Variants in ZNF177 observed in about 807,000 individuals in gnomAD.
ZNF177 encodes the protein zinc finger protein 177.
Under a neutral mutation model 19.4 loss-of-function variants are expected in ZNF177, and 17 were observed. The ratio of observed to expected loss-of-function variants is 0.87; its 90% CI spans 0.60 to 1.31. ZNF177 has a LOEUF of 1.31. Ranked by LOEUF, ZNF177 falls within the 40% of genes most tolerant of loss-of-function variation. The pLI, the probability that ZNF177 is intolerant of heterozygous loss-of-function variation, is 0.00. For missense variants in ZNF177, 633 were observed against 561.8 expected (o/e 1.13, Z -1.28); for synonymous variants, 220 against 188.7 (o/e 1.17, Z -1.36).
Position 9,381,279 on chromosome 19 carries a change from CTG to C in ZNF177, c.951_952del (p.Cys317TrpfsTer5), listed in dbSNP as rs767520070. On this transcript the variant is annotated frameshift_variant, in exon 6 of 6. Coordinates refer to ENST00000589262, the Ensembl canonical transcript of ZNF177. LOFTEE classifies it low-confidence loss of function (END_TRUNC). ...GAGAGAAGCCTTATGAGTGTGATCA[CTG>C]TGGAAAATCCTTTAGCCAGAGCTCT... 1.5e-5 allele frequency: 24 copies of C among 1,611,806 alleles called. No homozygotes were observed. Among genetic ancestry groups the C allele is most frequent in the South Asian group, 4.4e-5 (4 of 90,978 alleles).
upstream of ZNF177, among the ~76,000 whole-genome samples, chr19:9,373,067 A>G (rs180969214): frequency 3.9e-5 from 6 of 152,312 alleles, 1 homozygote; most frequent in Admixed American, 2.0e-4. Context: ...ATCATTAACT[A>G]TAGTCACCAA....
chr19:9,371,931 A>G (rs1380009402), upstream of ZNF177, among the ~76,000 whole-genome samples: 7 of 152,122 alleles, frequency 4.6e-5, no homozygotes, highest in Non-Finnish European at 8.8e-5. Flanking sequence ...ATATCCATTC[A>G]AATTTTTATT....
exon 6 of ZNF177, chr19:9,380,888 A>T: frequency 1.3e-6 from 2 of 1,536,142 alleles, no homozygotes; most frequent in Non-Finnish European, 8.7e-7. Context: ...AAAGCTTTCA[A>T]TCAAGAGTCA....
intron 2 of ZNF177, among the ~76,000 whole-genome samples, chr19:9,370,418 TG>T (rs909971824): frequency 5.4e-5 from 8 of 148,942 alleles, no homozygotes; most frequent in African/African-American, 2.1e-4. Context: ...GTTTTTTTTT[TG>T]TTTTTTTTTT....
chr19:9,376,241 C>T (rs983386616), upstream of ZNF177: 7 of 152,270 alleles, frequency 4.6e-5, no homozygotes, highest in African/African-American at 1.7e-4. Context: ...TCCTCCCACC[C>T]TAGCCCACCA....
Position 9,381,186 on chromosome 19 carries a change from ATG to A in ZNF177, c.856_857del (p.Cys286GlnfsTer2). 6.2e-7 allele frequency: 1 copy of A among 1,614,194 alleles called. No individual in the cohort carries two copies. Among genetic ancestry groups the A allele is most frequent in the South Asian group, 1.1e-5 (1 of 91,086 alleles). ...CTCACTCTGGAGAGATGCCCTATGA[ATG>A]CAGTGACTGTGGGAAAGCCTTCATT... On this transcript the variant is annotated frameshift_variant, in exon 6 of 6. Coordinates refer to ENST00000589262, the Ensembl canonical transcript of ZNF177. LOFTEE classifies it low-confidence loss of function (END_TRUNC).
exon 6 of ZNF177, chr19:9,381,143 T>A: frequency 1.9e-6 from 3 of 1,614,122 alleles, no homozygotes; most frequent in Non-Finnish European, 2.5e-6. Flanking sequence ...CCTTTGTCCC[T>A]TCAGAACTGT....
chr19:9,381,623 A>C lies in ZNF177; in HGVS notation c.1292A>C (p.Lys431Thr), dbSNP rs142231293. Residue 431 changes from lysine (K) to threonine (T), a missense_variant, in exon 6 of 6, where the codon AAG becomes ACG. Coordinates refer to ENST00000589262, the Ensembl canonical transcript of ZNF177. ...ACCTATGAGTGTAAAGAATGTGGGA[A>C]GGCCTTTAGGAATTCCTCTTGCCTG... The C allele has an allele frequency of 4.8e-5, 77 of 1,614,108 alleles. No homozygotes were observed. In the African/African-American group the frequency reaches 8.5e-4, roughly 18 times the overall value.
chr19:9,373,667 T>A (rs2068075250), upstream of ZNF177, among the ~76,000 whole-genome samples: 1 of 152,182 alleles, frequency 6.6e-6, no homozygotes, highest in Non-Finnish European at 1.5e-5. Flanking sequence ...CCAACTATGG[T>A]TTTGATTGGT....
chr19:9,380,844 T>G, exon 6 of ZNF177: 1 of 1,536,138 alleles, frequency 6.5e-7, no homozygotes, highest in South Asian at 1.2e-5. Context: ...GCATTCACAT[T>G]GGAGAGAAAA....
chr19:9,372,899 A>G (rs1326672840), upstream of ZNF177, among the ~76,000 whole-genome samples: 1 of 152,044 alleles, frequency 6.6e-6, no homozygotes, highest in East Asian at 1.9e-4. Flanking sequence ...TATAATTGAC[A>G]AATAATAAAA....
intron 2 of ZNF177, 137 bp from the exon 5 acceptor site, chr19:9,378,825 A>T: frequency 7.6e-7 from 1 of 1,322,956 alleles, no homozygotes; most frequent in Non-Finnish European, 1.0e-6. Context: ...GCAAATTAAG[A>T]GAAGGCCTCT....
At position 9,379,166 on chromosome 19, in the gene ZNF177, A is replaced by G. The variant is rs138231601; in HGVS notation, c.160+78A>G. The G allele has an allele frequency of 1.9e-5, 29 of 1,491,576 alleles. No individual in the cohort carries two copies. In the African/African-American group the frequency reaches 3.1e-4, roughly 16 times the overall value. 92.4% of individuals were successfully genotyped at this position (1,491,576 alleles called of 1,614,324 possible). A position where few individuals can be genotyped will look rare whatever the true frequency, so the allele number is the denominator to read the frequency against. On this transcript the variant is annotated intron_variant, in intron 3 of 5. Transcript: ENST00000589262. The stretch of plus-strand genomic sequence containing the variant: ...ACATATTATGTTCCAGAATCTGTGG[A>G]AAGAATAGCAATACAGTGGTTAACC...
intron 1 of ZNF177, among the ~76,000 whole-genome samples, chr19:9,377,459 G>A (rs2068125887): frequency 6.6e-6 from 1 of 152,154 alleles, no homozygotes; most frequent in Non-Finnish European, 1.5e-5. Flanking sequence ...GGAGATGTCA[G>A]CTCCGTGCAT....
In ZNF177 at chr19:9,378,203, C is replaced by G. The variant is rs2068139210; in HGVS notation, c.-53-56C>G. 1.9e-5 allele frequency: 29 copies of G among 1,490,380 alleles called. No homozygotes were observed. In the South Asian group the frequency reaches 3.8e-4, roughly 19 times the overall value. The allele number at this position is 1,490,380 out of a possible 1,614,324, so 92.3% of individuals were successfully genotyped here. On this transcript the variant is annotated intron_variant, in intron 1 of 5. Transcript: ENST00000589262. ...TAGTAAGAAGAAGCTTCCCAGCCTG[C>G]TAGTGTTGAACATCTAGCAGGCCTA...
exon 6 of ZNF177, chr19:9,380,718 A>G (rs1314886486): frequency 2.6e-6 from 4 of 1,535,858 alleles, no homozygotes; most frequent in Admixed American, 3.9e-5. Context: ...ATTGTGGGAA[A>G]TTCAGAAAGA....
At chr19:9,379,386 G>A in intron 3 of ZNF177, 141 bp from the exon 6 acceptor site, 1 of 1,253,662 alleles carries the variant, frequency 8.0e-7, no homozygotes, top group Non-Finnish European at 1.1e-6. Context: ...AAAGAGCTCG[G>A]CTCTGATTGT....
At chr19:9,374,885 A>G (rs975277507), upstream of ZNF177, among the ~76,000 whole-genome samples, 1 of 152,172 alleles carries the variant, frequency 6.6e-6, no homozygotes, top group Admixed American at 6.5e-5. Context: ...TGTATGTTGA[A>G]TAGAAGTGGT....
chr19:9,370,403 GGTTT>G (rs1422549153), intron 2 of ZNF177, among the ~76,000 whole-genome samples: 1 of 150,610 alleles, frequency 6.6e-6, no homozygotes, highest in Non-Finnish European at 1.5e-5. Flanking sequence ...GTAAGTGGTT[GGTTT>G]GTTTTTTTTT....
Sources: allele counts gnomAD v4.1 joint callset (sites outside exome capture counted in the v4.1 genomes callset), GRCh38; gene constraint gnomAD v4.1.1; transcripts MANE v1.5; gene names NCBI Gene and HGNC (gene_info 2026-07-23, HGNC 2026-07-21).